Variants in TAAR1 observed in about 807,000 individuals in gnomAD.
The protein encoded by TAAR1 is trace amine associated receptor 1.
A neutral mutation model predicts 1.2 loss-of-function variants in TAAR1; 1 was observed. That is an observed-to-expected ratio of 0.81 (90% confidence interval 0.29 to 3.86). The LOEUF is 3.86. Among genes scored for constraint, TAAR1 ranks in the 30% most tolerant of loss-of-function variants. The pLI is 0.18. For missense variants in TAAR1, 445 were observed against 405.6 expected (o/e 1.10, Z -0.83); for synonymous variants, 153 against 132.2 (o/e 1.16, Z -1.08).
intron 1 of TAAR1, among the ~76,000 whole-genome samples, 62 bp downstream of exon 1, chr6:132,659,068 A>G (rs1427178624): frequency 9.5e-6 from 1 of 105,030 alleles, no homozygotes; most frequent in East Asian, 2.3e-4. Context: ...GTAAAATACT[A>G]CTTTAGGCCT....
intron 1 of TAAR1, among the ~76,000 whole-genome samples, 138 bp from the exon 2 acceptor site, chr6:132,646,267 C>G (rs370620298): frequency 1.3e-5 from 2 of 152,106 alleles, no homozygotes; most frequent in African/African-American, 2.4e-5. Context: ...TAGTTCAGTA[C>G]AGCAATTTTT....
intron 1 of TAAR1, among the ~76,000 whole-genome samples, chr6:132,657,398 A>G (rs1336085297): frequency 2.6e-5 from 4 of 151,974 alleles, no homozygotes; most frequent in Non-Finnish European, 5.9e-5. Flanking sequence ...ATATATATAT[A>G]TATCAGTAGA....
chr6:132,652,153 C>G (rs1352882571), intron 1 of TAAR1, among the ~76,000 whole-genome samples: 1 of 150,990 alleles, frequency 6.6e-6, no homozygotes, highest in Non-Finnish European at 1.5e-5. Context: ...GTGACTGGTA[C>G]AAGCTAGGTG....
At chr6:132,657,504 A>G (rs1042252079) in intron 1 of TAAR1, among the ~76,000 whole-genome samples, 3 of 151,934 alleles carry the variant, frequency 2.0e-5, no homozygotes, top group African/African-American at 7.2e-5. Context: ...TAAGTAAAGA[A>G]AAAACATTTA....
At chr6:132,649,010 A>C (rs5008782) in intron 1 of TAAR1, among the ~76,000 whole-genome samples, 104,163 of 152,074 alleles carry the variant, frequency 0.68, 37,030 homozygotes, top group East Asian at 0.89. Flanking sequence ...AAGGCAGGAA[A>C]TCCCGGGCAG....
chr6:132,644,830 T>G lies in TAAR1; in HGVS notation c.*154A>C, dbSNP rs149776158. On this transcript the variant is annotated 3_prime_UTR_variant, in exon 2 of 2. Coordinates refer to ENST00000275216, the MANE Select transcript of TAAR1 (RefSeq NM_138327.4). ...ACCTACTATGTCCCAAATAGGAAAT[T>G]ACCTATAAGCATCATAATTTAACTC... 4.3e-4 allele frequency among the ~76,000 whole-genome samples: 65 copies of G among 152,172 alleles called. No homozygotes were observed. The East Asian group carries it at 0.012, about 29-fold the overall frequency.
chr6:132,646,837 T>TG (rs1469552453), intron 1 of TAAR1, among the ~76,000 whole-genome samples: 3 of 152,172 alleles, frequency 2.0e-5, no homozygotes, highest in African/African-American at 7.2e-5. Flanking sequence ...ATATGAGCTG[T>TG]GGTCTCAATT....
chr6:132,644,839 G>A lies in TAAR1; in HGVS notation c.*145C>T, dbSNP rs565068469. The A allele has an allele frequency of 6.3e-5, 40 of 630,146 alleles. No homozygotes were observed. In the East Asian group the frequency reaches 6.6e-4, roughly 10 times the overall value. 39.0% of individuals were successfully genotyped at this position (630,146 alleles called of 1,614,324 possible). A position where few individuals can be genotyped will look rare whatever the true frequency, so the allele number is the denominator to read the frequency against. ...GTCCCAAATAGGAAATTACCTATAAGCATCATAATTTAACTCACCATACAT... is the reference window on the plus strand; with the variant it reads ...GTCCCAAATAGGAAATTACCTATAAACATCATAATTTAACTCACCATACAT... On this transcript the variant is annotated 3_prime_UTR_variant, in exon 2 of 2. Transcript: ENST00000275216.
chr6:132,655,680 T>A (rs1005288652), intron 1 of TAAR1, among the ~76,000 whole-genome samples: 9 of 152,256 alleles, frequency 5.9e-5, no homozygotes, highest in Non-Finnish European at 1.0e-4. Context: ...ATCACTCCGA[T>A]TGCTGCCTTG....
At chr6:132,652,162 T>C (rs949516261) in intron 1 of TAAR1, among the ~76,000 whole-genome samples, 27 of 150,490 alleles carry the variant, frequency 1.8e-4, no homozygotes, top group African/African-American at 6.5e-4. Context: ...ACAAGCTAGG[T>C]GATTTTTTTT....
intron 1 of TAAR1, among the ~76,000 whole-genome samples, chr6:132,652,937 G>A (rs554301927): frequency 6.6e-6 from 1 of 151,922 alleles, no homozygotes; most frequent in East Asian, 1.9e-4. Flanking sequence ...GAGGTCCCCA[G>A]AGTCCCCCAA....
At chr6:132,653,057 G>A (rs968267581) in intron 1 of TAAR1, among the ~76,000 whole-genome samples, 1 of 152,064 alleles carries the variant, frequency 6.6e-6, no homozygotes, top group African/African-American at 2.4e-5. Flanking sequence ...TAGGGGAGGC[G>A]GCAGTTGTGC....
At chr6:132,655,676 C>G (rs1249994574) in intron 1 of TAAR1, among the ~76,000 whole-genome samples, 1 of 152,078 alleles carries the variant, frequency 6.6e-6, no homozygotes, top group Non-Finnish European at 1.5e-5. Context: ...CAGTATCACT[C>G]CGATTGCTGC....
At chr6:132,657,538 T>A (rs780248474) in intron 1 of TAAR1, among the ~76,000 whole-genome samples, 1 of 152,012 alleles carries the variant, frequency 6.6e-6, no homozygotes, top group Admixed American at 6.6e-5. Context: ...AATATACAAT[T>A]ATGTATTCTA....
At chr6:132,652,486 T>C (rs759321055) in intron 1 of TAAR1, among the ~76,000 whole-genome samples, 15 of 150,894 alleles carry the variant, frequency 9.9e-5, no homozygotes, top group African/African-American at 3.7e-4. Flanking sequence ...TTTGTACTTT[T>C]AGTAGAGGCG....
Position 132,645,698 on chromosome 6 carries a change from G to T in TAAR1, c.306C>A (p.Thr102=), listed in dbSNP as rs77004036. 1.2e-6 allele frequency: 2 copies of T among 1,613,414 alleles called. No individual in the cohort carries two copies. The highest frequency in any genetic ancestry group is 3.3e-5 in the Admixed American group (2 of 59,832). The change falls in exon 2 of 2, where the codon ACC becomes ACA. Residue 102 remains threonine, a synonymous_variant. Coordinates refer to ENST00000275216, the MANE Select transcript of TAAR1 (RefSeq NM_138327.4). ...GEVFCKIHTS[T]DIMLSSASIF... ...TGGAGGCTGAGCTCAGCATAATGTC[G>T]GTGCTTGTGTGAATTTTACAGAAGA...
At position 132,645,299 on chromosome 6, in the gene TAAR1, C is replaced by T. The variant is rs150712902; in HGVS notation, c.705G>A (p.Leu235=). The T allele has an allele frequency of 2.5e-6, 4 of 1,613,384 alleles. No homozygotes were observed. The highest frequency in any genetic ancestry group is 2.7e-5 in the African/African-American group (2 of 74,852). The change falls in exon 2 of 2, where the codon TTG becomes TTA. Residue 235 remains leucine (L), a synonymous_variant. Coordinates refer to ENST00000275216, the MANE Select transcript of TAAR1 (RefSeq NM_138327.4). ...SDANQKLQIG[L]EMKNGISQSK... is the part of the protein sequence containing the mutation. ...TTTGTGAAATTCCATTTTTCATTTC[C>T]AATCCAATTTGGAGCTTCTGATTGG... is the stretch of plus-strand genomic sequence containing the variant.
At chr6:132,656,125 C>A (rs1777802102) in intron 1 of TAAR1, among the ~76,000 whole-genome samples, 2 of 152,048 alleles carry the variant, frequency 1.3e-5, no homozygotes, top group African/African-American at 4.8e-5. Flanking sequence ...AACATACTAC[C>A]CAGCCTCCAG....
rs536374707 is a variant in TAAR1, at chr6:132,650,087, C to T, written c.-126-3958G>A. Among the ~76,000 whole-genome samples, 4 of 152,256 alleles carry T rather than the reference C, an allele frequency of 2.6e-5. No individual in the cohort carries two copies. The South Asian group carries it at 8.3e-4, about 32-fold the overall frequency. On this transcript the variant is annotated intron_variant, in intron 1 of 1. Coordinates refer to ENST00000275216, the MANE Select transcript of TAAR1 (RefSeq NM_138327.4). ...TCATCTCACCTTCCATGGTCATATC[C>T]CCGGATGTCATTATCAATGACAAGA...
Sources: gnomAD v4.1 joint callset for allele counts (sites outside exome capture counted in the v4.1 genomes callset) on GRCh38, gnomAD v4.1.1 for gene constraint, MANE v1.5 for transcripts, NCBI Gene and HGNC (gene_info 2026-07-23, HGNC 2026-07-21) for gene names.